SPIRE1: variants seen among roughly 807,000 people sequenced by gnomAD.
SPIRE1 encodes protein spire homolog 1.
A neutral mutation model predicts 94.1 loss-of-function variants in SPIRE1; 40 were observed. The observed-to-expected ratio is 0.43, with a 90% CI of 0.33 to 0.55. The LOEUF (loss-of-function observed/expected upper bound fraction) is 0.55. SPIRE1 is among the 20% of genes least tolerant of loss of function. The pLI is 0.06. For missense variants in SPIRE1, 838 were observed against 975.2 expected (o/e 0.86, Z 1.87); for synonymous variants, 376 against 371.7 (o/e 1.01, Z -0.13).
At chr18:12,495,959 G>C in intron 7 of SPIRE1, 57 bp downstream of exon 7, 1 of 1,342,156 alleles carries the variant, frequency 7.5e-7, no homozygotes, top group South Asian at 1.2e-5. Flanking sequence ...TGACACCCTA[G>C]AGTAGAATAA....
At chr18:12,628,748 C>T (rs2037700007) in intron 2 of SPIRE1, among the ~76,000 whole-genome samples, 1 of 152,066 alleles carries the variant, frequency 6.6e-6, no homozygotes, top group Non-Finnish European at 1.5e-5. Context: ...TGTAGTTCTC[C>T]TTGAAGAGGT....
chr18:12,457,699 G>GTT (rs11313025), intron 12 of SPIRE1, among the ~76,000 whole-genome samples: 3 of 148,498 alleles, frequency 2.0e-5, no homozygotes, highest in African/African-American at 7.4e-5. Context: ...AAATTGTTGA[G>GTT]TTTTTTTTTT....
chr18:12,552,216 C>CACAAGGACTGCAACTCCTG (rs1468445652), intron 2 of SPIRE1, among the ~76,000 whole-genome samples: 2 of 152,224 alleles, frequency 1.3e-5, no homozygotes, highest in Admixed American at 6.5e-5. Context: ...CACTCTAAGC[C>CACAAGGACTGCAACTCCTG]ACAAGGACTG....
intron 2 of SPIRE1, among the ~76,000 whole-genome samples, chr18:12,587,555 C>A (rs2036420349): frequency 6.6e-6 from 1 of 152,184 alleles, no homozygotes; most frequent in East Asian, 1.9e-4. Flanking sequence ...ACAGCTGATT[C>A]ATCAAGGTGC....
intron 1 of SPIRE1, among the ~76,000 whole-genome samples, chr18:12,641,030 G>A (rs2038069349): frequency 6.6e-6 from 1 of 152,066 alleles, no homozygotes; most frequent in Admixed American, 6.5e-5. Flanking sequence ...CACTACACGC[G>A]GGCGGCCAGG....
intron 2 of SPIRE1, among the ~76,000 whole-genome samples, chr18:12,548,384 T>C (rs2035233679): frequency 6.6e-6 from 1 of 152,166 alleles, no homozygotes; most frequent in South Asian, 2.1e-4. Context: ...TCACTCAAAA[T>C]TCTCTACAAA....
chr18:12,449,474 G>T lies in SPIRE1; in HGVS notation c.*164C>A. On this transcript the variant is annotated 3_prime_UTR_variant, in exon 17 of 17. Coordinates refer to ENST00000409402, the MANE Select transcript of SPIRE1 (RefSeq NM_001128626.2). ...CCTGTCACGTTTCATCAATCGATAC[G>T]AACACAGCATTCAGTCTGTGGAACA... 1.4e-6 allele frequency: 1 copy of T among 713,834 alleles called. No homozygotes were observed. The allele number at this position is 713,834 out of a possible 1,614,324, so 44.2% of individuals were successfully genotyped here. A position where few individuals can be genotyped will look rare whatever the true frequency, so the allele number is the denominator to read the frequency against.
chr18:12,635,938 G>A (rs1411372704), intron 1 of SPIRE1, among the ~76,000 whole-genome samples: 2 of 151,578 alleles, frequency 1.3e-5, no homozygotes, highest in African/African-American at 4.9e-5. Context: ...ACCCAAGCTG[G>A]AGTGCAGTGG....
intron 1 of SPIRE1, among the ~76,000 whole-genome samples, chr18:12,656,942 A>G (rs2038555646): frequency 1.3e-5 from 2 of 152,172 alleles, no homozygotes; most frequent in African/African-American, 4.8e-5. Flanking sequence ...TATTTAGTCT[A>G]TTTTTCCATT....
intron 1 of SPIRE1, among the ~76,000 whole-genome samples, chr18:12,646,048 G>A (rs929148779): frequency 3.3e-5 from 5 of 152,172 alleles, no homozygotes; most frequent in South Asian, 2.1e-4. Context: ...CAAAAAATGC[G>A]GTAACTGATT....
chr18:12,480,008 T>G, intron 9 of SPIRE1, 137 bp from the exon 10 acceptor site: 1 of 654,474 alleles, frequency 1.5e-6, no homozygotes, highest in South Asian at 3.0e-5. Flanking sequence ...TATAGAAAAC[T>G]TCTTCTGGTT....
intron 11 of SPIRE1, among the ~76,000 whole-genome samples, chr18:12,464,551 G>A (rs1477443893): frequency 6.6e-6 from 1 of 151,990 alleles, no homozygotes; most frequent in Non-Finnish European, 1.5e-5. Context: ...GTTGTGTTGG[G>A]CTTCTGGTTT....
intron 2 of SPIRE1, among the ~76,000 whole-genome samples, chr18:12,600,754 G>A (rs1468861160): frequency 3.3e-5 from 5 of 151,512 alleles, no homozygotes; most frequent in Admixed American, 2.0e-4. Context: ...GTAGGGTCTC[G>A]CTCTGTCACT....
chr18:12,578,614 A>C (rs2036172913), intron 2 of SPIRE1, among the ~76,000 whole-genome samples: 1 of 152,176 alleles, frequency 6.6e-6, no homozygotes, highest in Non-Finnish European at 1.5e-5. Flanking sequence ...TCCAAGGTTG[A>C]TTTTTTTAAA....
At chr18:12,609,598 A>C (rs935327106) in intron 2 of SPIRE1, among the ~76,000 whole-genome samples, 1 of 152,174 alleles carries the variant, frequency 6.6e-6, no homozygotes, top group Non-Finnish European at 1.5e-5. Flanking sequence ...CAACGATCTG[A>C]GACCTATTTC....
At chr18:12,481,767 T>C (rs1350107243) in intron 9 of SPIRE1, among the ~76,000 whole-genome samples, 1 of 152,068 alleles carries the variant, frequency 6.6e-6, no homozygotes, top group Non-Finnish European at 1.5e-5. Flanking sequence ...TTTATACAAA[T>C]TATAAAGGTA....
chr18:12,624,141 C>G (rs555819075), intron 2 of SPIRE1, among the ~76,000 whole-genome samples: 2 of 151,212 alleles, frequency 1.3e-5, no homozygotes, highest in African/African-American at 4.9e-5. Context: ...CAGCTGGTCT[C>G]GAACTCCTGA....
chr18:12,450,543 C>T (rs767863364), intron 16 of SPIRE1: 16 of 555,478 alleles, frequency 2.9e-5, no homozygotes, highest in Non-Finnish European at 3.9e-5. Context: ...AAGAGCCCAG[C>T]GGTCTCTGTC....
intron 6 of SPIRE1, among the ~76,000 whole-genome samples, chr18:12,499,200 C>A (rs1409797634): frequency 6.6e-6 from 1 of 152,108 alleles, no homozygotes; most frequent in Non-Finnish European, 1.5e-5. Flanking sequence ...GAGGTTAGGG[C>A]CAAACATCCT....
Sources: gnomAD v4.1 joint callset for allele counts (sites outside exome capture counted in the v4.1 genomes callset) on GRCh38, gnomAD v4.1.1 for gene constraint, MANE v1.5 for transcripts, NCBI Gene and HGNC (gene_info 2026-07-23, HGNC 2026-07-21) for gene names.